Variants in LONP2 observed in about 807,000 individuals in gnomAD.
The protein encoded by LONP2 is lon protease homolog 2, peroxisomal.
In LONP2, 60 loss-of-function variants were observed where a neutral mutation model predicts 85.6. That is an observed-to-expected ratio of 0.70 (90% confidence interval 0.57 to 0.87). The LOEUF (loss-of-function observed/expected upper bound fraction) is 0.87, where lower values mean the gene tolerates loss of function less well. LONP2 is among the 40% of genes least tolerant of loss of function. LONP2 has a pLI of 0.00. For missense variants in LONP2, 860 were observed against 1,063.5 expected (o/e 0.81, Z 2.66); for synonymous variants, 395 against 389.7 (o/e 1.01, Z -0.16).
At chr16:48,323,736 A>G (rs1475586157) in intron 11 of LONP2, among the ~76,000 whole-genome samples, 2 of 152,136 alleles carry the variant, frequency 1.3e-5, no homozygotes, top group Admixed American at 6.5e-5. Flanking sequence ...GTTATTATGT[A>G]GAAATGTTCA....
chr16:48,310,141 T>C (rs1972999573), intron 11 of LONP2, among the ~76,000 whole-genome samples: 1 of 152,184 alleles, frequency 6.6e-6, no homozygotes, highest in Non-Finnish European at 1.5e-5. Flanking sequence ...TTTGGTTTCC[T>C]TTTGCATGGA....
chr16:48,332,900 T>G (rs930998319), intron 11 of LONP2, among the ~76,000 whole-genome samples: 1 of 147,936 alleles, frequency 6.8e-6, no homozygotes, highest in Non-Finnish European at 1.5e-5. Flanking sequence ...AGAGCGAGAC[T>G]CTGTCTCAAA....
chr16:48,316,534 C>A (rs895556773), intron 11 of LONP2, among the ~76,000 whole-genome samples: 5 of 151,390 alleles, frequency 3.3e-5, no homozygotes, highest in Non-Finnish European at 7.4e-5. Flanking sequence ...ACCATGTTGG[C>A]CAGGCTGGTC....
chr16:48,332,301 C>G (rs138249090), intron 11 of LONP2, among the ~76,000 whole-genome samples: 4 of 152,254 alleles, frequency 2.6e-5, no homozygotes, highest in African/African-American at 9.6e-5. Context: ...TATTGCTGGA[C>G]GTGGTGGCTC....
chr16:48,277,342 A>G lies in LONP2; in HGVS notation c.1246A>G (p.Thr416Ala). The part of the protein sequence containing the change: ...DQSDIRGHRR[T>A]YVGSMPGRII... The stretch of plus-strand genomic sequence containing the variant: ...TGTGCTACTTGCTTTCTCTAGGCGC[A>G]CCTATGTTGGCAGCATGCCTGGTCG... Residue 416 changes from threonine (T) to alanine (A), a missense_variant, in exon 8 of 15, where the codon ACC becomes GCC. Physicochemically the swap from Thr to Ala is moderately conservative, Grantham distance 58. Coordinates refer to ENST00000285737, the MANE Select transcript of LONP2 (RefSeq NM_031490.5). 6.2e-7 allele frequency: 1 copy of G among 1,613,046 alleles called. No homozygotes were observed. The highest frequency in any genetic ancestry group is 8.5e-7 in the Non-Finnish European group (1 of 1,179,540).
At chr16:48,315,171 C>T (rs1048431229) in intron 11 of LONP2, among the ~76,000 whole-genome samples, 1 of 152,208 alleles carries the variant, frequency 6.6e-6, no homozygotes, top group Admixed American at 6.5e-5. Context: ...GTAGGATTCT[C>T]AGAAACTGTC....
In LONP2 at chr16:48,252,221, C is replaced by G. The variant is rs769086778; in HGVS notation, c.324C>G (p.Phe108Leu). 3 of 1,614,074 alleles carry G rather than the reference C, an allele frequency of 1.9e-6. No homozygotes were observed. The highest frequency in any genetic ancestry group is 1.3e-5 in the African/African-American group (1 of 74,938). ...TGTTGATTACAGGCCTATGCCGTTT[C>G]CAGATTGTACAGGTCTTAAAAGAGA... ...YTLLITGLCR[F>L]QIVQVLKEKP... Residue 108 changes from phenylalanine to leucine, a missense_variant, in exon 2 of 15, where the codon TTC becomes TTG. Transcript: ENST00000285737.
Position 48,334,391 on chromosome 16 carries a change from G to A in LONP2, c.1938+33G>A, listed in dbSNP as rs751708297. On this transcript the variant is annotated intron_variant, in intron 12 of 14. Coordinates refer to ENST00000285737, the MANE Select transcript of LONP2 (RefSeq NM_031490.5). ...ATTCTTTTTATTTCTTTTTGCTCCA[G>A]TCAATGAAAGGAACACTTTATTGAG... 7 of 1,613,730 alleles carry A rather than the reference G, an allele frequency of 4.3e-6. No individual in the cohort carries two copies. In the Admixed American group the frequency reaches 5.0e-5, roughly 12 times the overall value.
chr16:48,254,206 C>T (rs1971709810), intron 2 of LONP2, among the ~76,000 whole-genome samples: 1 of 152,184 alleles, frequency 6.6e-6, no homozygotes, highest in South Asian at 2.1e-4. Flanking sequence ...CCGTTTGCAA[C>T]TTGTCTTGGG....
intron 12 of LONP2, chr16:48,334,628 C>A: frequency 3.2e-6 from 2 of 622,574 alleles, no homozygotes; most frequent in Admixed American, 2.2e-5. Context: ...CTCCGTAATG[C>A]CACCTCACAG....
chr16:48,259,881 A>G (rs1356160697), intron 4 of LONP2, among the ~76,000 whole-genome samples: 1 of 152,238 alleles, frequency 6.6e-6, no homozygotes, highest in East Asian at 1.9e-4. Flanking sequence ...ACTTACTCTC[A>G]GTAAAGTTTG....
chr16:48,311,549 C>A (rs923575226), intron 11 of LONP2, among the ~76,000 whole-genome samples: 2 of 151,884 alleles, frequency 1.3e-5, no homozygotes, highest in African/African-American at 4.8e-5. Context: ...TGGTAAATTT[C>A]TCATTCATTT....
intron 11 of LONP2, among the ~76,000 whole-genome samples, chr16:48,319,148 G>A (rs1262077211): frequency 6.6e-6 from 1 of 152,066 alleles, no homozygotes; most frequent in Admixed American, 6.5e-5. Context: ...GGGAGGCCGA[G>A]GCAGGCAGAT....
intron 12 of LONP2, among the ~76,000 whole-genome samples, chr16:48,342,008 A>G (rs1357823549): frequency 6.6e-6 from 1 of 152,176 alleles, no homozygotes; most frequent in East Asian, 1.9e-4. Flanking sequence ...CCTGCATGGA[A>G]AGAGTAGGTC....
At chr16:48,328,148 C>T (rs1959306239) in intron 11 of LONP2, among the ~76,000 whole-genome samples, 1 of 152,188 alleles carries the variant, frequency 6.6e-6, no homozygotes, top group Non-Finnish European at 1.5e-5. Flanking sequence ...TACAGTGGCT[C>T]ACTCCTGTAA....
intron 8 of LONP2, among the ~76,000 whole-genome samples, chr16:48,286,171 T>C (rs1175657054): frequency 6.7e-6 from 1 of 149,306 alleles, no homozygotes; most frequent in East Asian, 2.0e-4. Context: ...AGACGGAGTC[T>C]CACCATGTTG....
At chr16:48,346,221 G>A (rs753483728) in intron 12 of LONP2, among the ~76,000 whole-genome samples, 3 of 152,002 alleles carry the variant, frequency 2.0e-5, no homozygotes, top group East Asian at 1.9e-4. Flanking sequence ...TTAGTGAGAC[G>A]GTCAACTCTC....
intron 1 of LONP2, among the ~76,000 whole-genome samples, chr16:48,247,089 G>A (rs1971430769): frequency 6.6e-6 from 1 of 152,308 alleles, no homozygotes; most frequent in South Asian, 2.1e-4. Context: ...GAACTCATCA[G>A]ACCATCTAGT....
chr16:48,261,767 A>G (rs1370609766), intron 5 of LONP2, among the ~76,000 whole-genome samples, 180 bp downstream of exon 5: 4 of 151,960 alleles, frequency 2.6e-5, no homozygotes, highest in East Asian at 1.9e-4. Flanking sequence ...AGAACAGACC[A>G]TGCTTCTTTG....
Sources: allele counts gnomAD v4.1 joint callset (sites outside exome capture counted in the v4.1 genomes callset), GRCh38; gene constraint gnomAD v4.1.1; transcripts MANE v1.5; gene names NCBI Gene and HGNC (gene_info 2026-07-23, HGNC 2026-07-21).